The following ZNF415 variants were observed in gnomAD, a reference collection of about 807,000 sequenced individuals.
ZNF415 encodes zinc finger protein 415.
In ZNF415, 5 loss-of-function variants were observed where a neutral mutation model predicts 7.3. The ratio of observed to expected loss-of-function variants is 0.69; its 90% CI spans 0.36 to 1.44. The LOEUF is 1.44. Ranked by LOEUF, ZNF415 falls within the 40% of genes most tolerant of loss-of-function variation. ZNF415 has a pLI of 0.04. For synonymous variants in ZNF415, 207 were observed against 226.3 expected (o/e 0.91, Z 0.77); for missense variants, 628 against 664.8 (o/e 0.94, Z 0.61).
intron 1 of ZNF415, among the ~76,000 whole-genome samples, chr19:53,127,770 G>A (rs1342102021): frequency 3.3e-5 from 5 of 151,706 alleles, no homozygotes; most frequent in East Asian, 1.9e-4. Context: ...CCAGCTACTC[G>A]GGAGGCTGAG....
chr19:53,130,077 A>G (rs570722256), intron 1 of ZNF415, among the ~76,000 whole-genome samples: 3 of 152,008 alleles, frequency 2.0e-5, no homozygotes, highest in Non-Finnish European at 4.4e-5. Context: ...AAAAAAAAAA[A>G]AAAAGAAAAG....
intron 2 of ZNF415, among the ~76,000 whole-genome samples, chr19:53,120,112 C>T (rs7259392): frequency 0.11 from 16,011 of 151,338 alleles, 926 homozygotes; most frequent in African/African-American, 0.16. Flanking sequence ...CTCCTGAACA[C>T]AGATGTAAAA....
intron 1 of ZNF415, among the ~76,000 whole-genome samples, chr19:53,126,447 T>C (rs944921354): frequency 3.0e-4 from 44 of 146,178 alleles, no homozygotes; most frequent in African/African-American, 1.1e-3. Context: ...GGCAATGATG[T>C]TGGCTTGAAT....
chr19:53,109,835 T>C lies in ZNF415; in HGVS notation c.210A>G (p.Thr70=). 1.2e-6 allele frequency: 2 copies of C among 1,613,504 alleles called. No individual in the cohort carries two copies. Among genetic ancestry groups the C allele is most frequent in the South Asian group, 1.1e-5 (1 of 90,864 alleles). ...QEGNPGEVFH[T]VTLEQHEKHD... Reference sequence around the variant, plus strand: ...GTTTTTCATGTTGTTCCAATGTCACTGTGTGGAATACTTCTCCTGGGTTAC... The same window carrying C: ...GTTTTTCATGTTGTTCCAATGTCACCGTGTGGAATACTTCTCCTGGGTTAC... The change falls in exon 4 of 4, where the codon ACA becomes ACG. Residue 70 remains threonine (T), a synonymous_variant. Coordinates refer to ENST00000243643, the MANE Select transcript of ZNF415 (RefSeq NM_018355.4).
Position 53,108,337 on chromosome 19 carries a change from G to T in ZNF415, c.*40C>A, listed in dbSNP as rs1359980648. ...TTCTCTCTGATATAAATTCTTTGATGACTCACAGGATTTAAACTTTGACTG... is the reference window on the plus strand; with the variant it reads ...TTCTCTCTGATATAAATTCTTTGATTACTCACAGGATTTAAACTTTGACTG... On this transcript the variant is annotated 3_prime_UTR_variant, in exon 4 of 4. Coordinates refer to ENST00000243643, the MANE Select transcript of ZNF415 (RefSeq NM_018355.4). The T allele has an allele frequency of 2.0e-6, 3 of 1,527,578 alleles. No individual in the cohort carries two copies. The highest frequency in any genetic ancestry group is 1.3e-5 in the South Asian group (1 of 78,150). The allele number at this position is 1,527,578 out of a possible 1,614,324, so 94.6% of individuals were successfully genotyped here.
chr19:53,123,602 G>C (rs1601240878), intron 1 of ZNF415: 1 of 399,034 alleles, frequency 2.5e-6, no homozygotes, highest in Non-Finnish European at 4.4e-6. Flanking sequence ...CGCATGCTTG[G>C]CTGGAGCAGA....
intron 1 of ZNF415, among the ~76,000 whole-genome samples, chr19:53,130,032 T>C (rs1188061994): frequency 7.0e-6 from 1 of 143,408 alleles, no homozygotes; most frequent in Non-Finnish European, 1.5e-5. Flanking sequence ...ACCACTGTAC[T>C]CCAGCCTGGG....
At chr19:53,121,726 A>G (rs2088110258) in intron 2 of ZNF415, among the ~76,000 whole-genome samples, 1 of 151,968 alleles carries the variant, frequency 6.6e-6, no homozygotes, top group Non-Finnish European at 1.5e-5. Flanking sequence ...TCGGCCTTAC[A>G]GTTACACTTT....
chr19:53,122,820 C>G, intron 1 of ZNF415, 77 bp from the exon 2 acceptor site: 3 of 1,156,948 alleles, frequency 2.6e-6, no homozygotes, highest in Non-Finnish European at 2.5e-6. Flanking sequence ...CACACATACA[C>G]AGGGAGGAGC....
intron 3 of ZNF415, chr19:53,115,701 T>TA: frequency 2.6e-6 from 4 of 1,549,122 alleles, no homozygotes; most frequent in Non-Finnish European, 3.5e-6. Context: ...TCTGAGGTCT[T>TA]ACCTGTTTTC....
intron 1 of ZNF415, among the ~76,000 whole-genome samples, chr19:53,132,173 T>C (rs2090165376): frequency 6.6e-6 from 1 of 152,218 alleles, no homozygotes; most frequent in Non-Finnish European, 1.5e-5. Context: ...TACTTTGCCA[T>C]CTGTTTATTG....
At chr19:53,124,657 C>A (rs2088730986) in intron 1 of ZNF415, among the ~76,000 whole-genome samples, 1 of 152,124 alleles carries the variant, frequency 6.6e-6, no homozygotes, top group Non-Finnish European at 1.5e-5. Flanking sequence ...GGGTTAGTAG[C>A]AGCCAGGAGC....
chr19:53,109,340 C>T lies in ZNF415; in HGVS notation c.705G>A (p.Gln235=), dbSNP rs372507020. 2 of 1,614,042 alleles carry T rather than the reference C, an allele frequency of 1.2e-6. No individual in the cohort carries two copies. Among genetic ancestry groups the T allele is most frequent in the Non-Finnish European group, 1.7e-6 (2 of 1,180,036 alleles). The change falls in exon 4 of 4, where the codon CAG becomes CAA. Residue 235 remains glutamine, a synonymous_variant. Transcript: ENST00000243643. ...ATCCTTTCTCTCCAGAATGACTTAC[C>T]TGACGTACAGTCATGTGTGAGCCAT... is the stretch of plus-strand genomic sequence containing the variant. ...LNHGSHMTVR[Q]VSHSGEKGYK...
chr19:53,117,897 G>A (rs1193965995), intron 2 of ZNF415, among the ~76,000 whole-genome samples: 2 of 152,038 alleles, frequency 1.3e-5, no homozygotes, highest in Non-Finnish European at 2.9e-5. Flanking sequence ...ATTAGAGAAA[G>A]GAGCAAACAT....
intron 2 of ZNF415, chr19:53,122,387 C>G (rs751989300): frequency 2.6e-6 from 4 of 1,536,202 alleles, no homozygotes; most frequent in Non-Finnish European, 3.5e-6. Flanking sequence ...ACAGCACTGA[C>G]ACCACGGGAC....
chr19:53,132,114 C>G (rs891316257), intron 1 of ZNF415, among the ~76,000 whole-genome samples: 4 of 152,160 alleles, frequency 2.6e-5, no homozygotes, highest in African/African-American at 7.2e-5. Context: ...GCTACTTTCT[C>G]GGCTTCTTCT....
chr19:53,129,133 A>G (rs2089692325), intron 1 of ZNF415, among the ~76,000 whole-genome samples: 1 of 152,196 alleles, frequency 6.6e-6, no homozygotes, highest in Admixed American at 6.5e-5. Flanking sequence ...ACATAGGGTA[A>G]AAGCAGGGAC....
intron 1 of ZNF415, among the ~76,000 whole-genome samples, chr19:53,130,343 A>G (rs949193605): frequency 1.3e-5 from 2 of 152,184 alleles, no homozygotes; most frequent in African/African-American, 2.4e-5. Flanking sequence ...CTATTATATA[A>G]TAAAGAGCAG....
intron 2 of ZNF415, among the ~76,000 whole-genome samples, chr19:53,116,682 C>T (rs1266352261): frequency 1.4e-5 from 2 of 148,020 alleles, no homozygotes; most frequent in African/African-American, 5.1e-5. Flanking sequence ...GTGGCATGAT[C>T]ATGGCTCACT....
Sources: allele counts gnomAD v4.1 joint callset (sites outside exome capture counted in the v4.1 genomes callset), GRCh38; gene constraint gnomAD v4.1.1; transcripts MANE v1.5; gene names NCBI Gene and HGNC (gene_info 2026-07-23, HGNC 2026-07-21).